LRRC4C: variants seen among roughly 807,000 people sequenced by gnomAD.
The protein encoded by LRRC4C is leucine-rich repeat-containing protein 4C.
LRRC4C carries 5 observed loss-of-function variants against 33.6 expected under a neutral mutation model. The observed-to-expected ratio is 0.15, with a 90% CI of 0.08 to 0.31. LRRC4C has a LOEUF of 0.31. LRRC4C is among the 10% of genes least tolerant of loss of function. The pLI is 1.00. For missense variants in LRRC4C, 560 were observed against 796.7 expected, an observed-to-expected ratio of 0.70 and a Z score of 3.58; for synonymous variants, 329 against 302.0, an observed-to-expected ratio of 1.09 and a Z score of -0.93.
intron 3 of LRRC4C, among the ~76,000 whole-genome samples, chr11:40,378,522 G>A (rs1441913797): frequency 1.3e-5 from 2 of 151,464 alleles, no homozygotes; most frequent in Non-Finnish European, 3.0e-5. Flanking sequence ...GTATTTCTGT[G>A]AGAAAGAACT....
At chr11:41,045,612 C>A (rs186298536) in intron 1 of LRRC4C, among the ~76,000 whole-genome samples, 1 of 152,198 alleles carries the variant, frequency 6.6e-6, no homozygotes, top group Admixed American at 6.6e-5. Flanking sequence ...GATGAATTCA[C>A]ATAGCTTTAG....
At chr11:40,702,830 T>C (rs1183152745) in intron 2 of LRRC4C, among the ~76,000 whole-genome samples, 1 of 152,058 alleles carries the variant, frequency 6.6e-6, no homozygotes, top group Non-Finnish European at 1.5e-5. Flanking sequence ...GGAAGTTGCT[T>C]AACATTGAAT....
rs375285905 is a variant in LRRC4C, at chr11:41,117,686, T to C, written c.-495-183963A>G. On this transcript the variant is annotated intron_variant, in intron 1 of 6. Coordinates refer to ENST00000528697, the MANE Select transcript of LRRC4C (RefSeq NM_001258419.2). The stretch of plus-strand genomic sequence containing the variant: ...GTAGGATATCGTGTTGTGACATTAT[T>C]AAATCAGTAAAAAGCATAAACCTGG... Among the ~76,000 whole-genome samples, 12 of 152,262 alleles carry C rather than the reference T, an allele frequency of 7.9e-5. No individual in the cohort carries two copies. In the South Asian group the frequency reaches 1.7e-3, roughly 21 times the overall value.
intron 5 of LRRC4C, among the ~76,000 whole-genome samples, chr11:40,191,072 G>A (rs541439060): frequency 1.3e-3 from 203 of 152,096 alleles, no homozygotes; most frequent in Non-Finnish European, 2.3e-3. Context: ...GCATTATGCC[G>A]AGCACCTCGC....
chr11:41,379,371 AGAGT>A (rs766088693), intron 1 of LRRC4C, among the ~76,000 whole-genome samples: 1 of 152,160 alleles, frequency 6.6e-6, no homozygotes, highest in Non-Finnish European at 1.5e-5. Context: ...GTACAATCAC[AGAGT>A]GAGTGGTAGA....
At chr11:40,156,629 C>G (rs927130835) in intron 5 of LRRC4C, among the ~76,000 whole-genome samples, 1 of 151,506 alleles carries the variant, frequency 6.6e-6, no homozygotes, top group African/African-American at 2.4e-5. Context: ...AAACAAAAAA[C>G]AGAAACAAAA....
At chr11:40,561,108 G>T (rs1957529723) in intron 3 of LRRC4C, among the ~76,000 whole-genome samples, 1 of 152,120 alleles carries the variant, frequency 6.6e-6, no homozygotes, top group African/African-American at 2.4e-5. Context: ...GGAAAATGAG[G>T]AAAATAATGT....
intron 3 of LRRC4C, among the ~76,000 whole-genome samples, chr11:40,351,126 T>C (rs1565302236): frequency 6.6e-6 from 1 of 152,050 alleles, no homozygotes. Flanking sequence ...TTTTCAATAG[T>C]AATGGTGAAA....
intron 3 of LRRC4C, among the ~76,000 whole-genome samples, chr11:40,380,640 A>G (rs1275951269): frequency 6.6e-6 from 1 of 152,190 alleles, no homozygotes; most frequent in African/African-American, 2.4e-5. Flanking sequence ...TCATGAGATA[A>G]TACGTGTAAA....
chr11:40,242,494 T>G (rs567788063), intron 4 of LRRC4C, among the ~76,000 whole-genome samples: 1 of 152,346 alleles, frequency 6.6e-6, no homozygotes, highest in East Asian at 1.9e-4. Context: ...TCATCTGGAC[T>G]TAAACCCAAT....
intron 3 of LRRC4C, among the ~76,000 whole-genome samples, chr11:40,630,424 T>C (rs1464530749): frequency 1.3e-5 from 2 of 148,504 alleles, no homozygotes; most frequent in African/African-American, 2.6e-5. Flanking sequence ...TCTTCTTCTT[T>C]TTTTTTTTTG....
chr11:40,755,012 T>C lies in LRRC4C; in HGVS notation c.-406-106734A>G, dbSNP rs1046132344. ...TGCACACAGTTTTCAGGGACTTTAT[T>C]TTCCAGTCTGACATACATTCATAGA... On this transcript the variant is annotated intron_variant, in intron 2 of 6. Transcript: ENST00000528697. 4.6e-5 allele frequency among the ~76,000 whole-genome samples: 7 copies of C among 152,114 alleles called. No homozygotes were observed. The East Asian group carries it at 1.3e-3, about 29-fold the overall frequency.
intron 1 of LRRC4C, among the ~76,000 whole-genome samples, chr11:41,372,958 A>G (rs1952807673): frequency 6.6e-6 from 1 of 152,198 alleles, no homozygotes; most frequent in African/African-American, 2.4e-5. Context: ...TTAGCAATAG[A>G]ACTTACTCTA....
intron 1 of LRRC4C, among the ~76,000 whole-genome samples, chr11:41,349,020 T>C (rs954444011): frequency 6.6e-6 from 1 of 152,182 alleles, no homozygotes; most frequent in African/African-American, 2.4e-5. Flanking sequence ...CTTTAGACTT[T>C]CTTGGCTGCT....
intron 3 of LRRC4C, among the ~76,000 whole-genome samples, chr11:40,332,423 C>A (rs1946403634): frequency 6.6e-6 from 1 of 152,098 alleles, no homozygotes; most frequent in African/African-American, 2.4e-5. Context: ...GGAGTTAGGG[C>A]CCACCTAAAT....
At chr11:41,292,064 C>G (rs2137013465) in intron 1 of LRRC4C, among the ~76,000 whole-genome samples, 1 of 152,232 alleles carries the variant, frequency 6.6e-6, no homozygotes, top group African/African-American at 2.4e-5. Flanking sequence ...AAAATATTAG[C>G]TGCTCCTGCA....
intron 2 of LRRC4C, among the ~76,000 whole-genome samples, chr11:40,901,498 C>T (rs1310781684): frequency 6.6e-6 from 1 of 152,014 alleles, no homozygotes; most frequent in Non-Finnish European, 1.5e-5. Context: ...AGTAAAAATG[C>T]ATAATTATTT....
chr11:40,733,061 G>GT (rs544471413), intron 2 of LRRC4C, among the ~76,000 whole-genome samples: 1,128 of 57,632 alleles, frequency 0.02, 270 homozygotes, highest in Non-Finnish European at 0.026. Flanking sequence ...TATGAATATA[G>GT]TTTTTTTTTT....
At chr11:40,972,258 C>T (rs73484750) in intron 1 of LRRC4C, among the ~76,000 whole-genome samples, 9,706 of 151,760 alleles carry the variant, frequency 0.064, 436 homozygotes, top group South Asian at 0.18. Context: ...TACCTCAGTC[C>T]CTTCAGTAGC....
Sources: allele counts gnomAD v4.1 joint callset (sites outside exome capture counted in the v4.1 genomes callset), GRCh38; gene constraint gnomAD v4.1.1; transcripts MANE v1.5; gene names NCBI Gene and HGNC (gene_info 2026-07-23, HGNC 2026-07-21).